The following DSCAM variants were observed in gnomAD, a reference collection of about 807,000 sequenced individuals.
DSCAM encodes cell adhesion molecule DSCAM.
DSCAM carries 47 observed loss-of-function variants against 217.7 expected under a neutral mutation model. The ratio of observed to expected loss-of-function variants is 0.22; its 90% confidence interval spans 0.17 to 0.28. DSCAM has a LOEUF of 0.28. Among genes scored for constraint, DSCAM ranks in the 10% least tolerant of loss-of-function variants. The pLI is 1.00. For synonymous variants in DSCAM, 1,056 were observed against 1,015.3 expected, an observed-to-expected ratio of 1.04 and a Z score of -0.76; for missense variants, 2,080 against 2,618.3, an observed-to-expected ratio of 0.79 and a Z score of 4.49.
intron 3 of DSCAM, among the ~76,000 whole-genome samples, chr21:40,487,256 C>CCTCTCTCTCT (rs59987844): frequency 2.8e-5 from 4 of 143,714 alleles, no homozygotes; most frequent in African/African-American, 5.1e-5. Flanking sequence ...TCTTTCTCTC[C>CCTCTCTCTCT]CTCTCTCTCT....
chr21:40,037,253 A>G (rs200716858), intron 32 of DSCAM, among the ~76,000 whole-genome samples: 8 of 149,212 alleles, frequency 5.4e-5, no homozygotes, highest in East Asian at 1.9e-4. Flanking sequence ...ACATGATTGT[A>G]TATCTAGAAA....
At chr21:40,813,280 G>A (rs2091854291) in intron 1 of DSCAM, among the ~76,000 whole-genome samples, 1 of 152,166 alleles carries the variant, frequency 6.6e-6, no homozygotes. Context: ...TTGGGCAAGA[G>A]AACCTATGAG....
At chr21:40,079,097 C>T in intron 25 of DSCAM, 120 bp from the exon 26 acceptor site, 4 of 1,150,936 alleles carry the variant, frequency 3.5e-6, no homozygotes, top group Non-Finnish European at 4.9e-6. Flanking sequence ...CCAAGTCTGG[C>T]TCACAGGCCA....
intron 1 of DSCAM, among the ~76,000 whole-genome samples, chr21:40,781,788 A>G (rs2091546344): frequency 6.6e-6 from 1 of 152,018 alleles, no homozygotes; most frequent in Admixed American, 6.5e-5. Flanking sequence ...CTGTAGCCAA[A>G]CTGCACTAGG....
At chr21:40,602,777 G>C (rs2077072370) in intron 3 of DSCAM, among the ~76,000 whole-genome samples, 1 of 152,022 alleles carries the variant, frequency 6.6e-6, no homozygotes, top group Non-Finnish European at 1.5e-5. Flanking sequence ...TAAAGAACCA[G>C]ATTTTAGTTT....
chr21:40,577,461 C>CG (rs1018138820), intron 3 of DSCAM, among the ~76,000 whole-genome samples: 8 of 151,994 alleles, frequency 5.3e-5, no homozygotes, highest in Admixed American at 1.3e-4. Flanking sequence ...GTGGCGCCCC[C>CG]CTCCGAGCCG....
intron 11 of DSCAM, among the ~76,000 whole-genome samples, chr21:40,244,174 G>C (rs1021830636): frequency 2.0e-5 from 3 of 152,182 alleles, no homozygotes; most frequent in African/African-American, 7.2e-5. Flanking sequence ...ATTGTGACCG[G>C]GAAGAGTGGT....
intron 3 of DSCAM, among the ~76,000 whole-genome samples, chr21:40,459,482 T>C (rs1317331127): frequency 6.6e-6 from 1 of 152,060 alleles, no homozygotes; most frequent in African/African-American, 2.4e-5. Context: ...AAAAAGTAAA[T>C]AGGTTGCCTA....
chr21:40,426,311 G>A (rs540865915), intron 3 of DSCAM, among the ~76,000 whole-genome samples: 7 of 152,356 alleles, frequency 4.6e-5, no homozygotes, highest in South Asian at 4.1e-4. Context: ...TCCATGGACA[G>A]TTTGTTGGAA....
At chr21:40,342,624 G>GTATA (rs1363119200) in intron 6 of DSCAM, among the ~76,000 whole-genome samples, 13 of 77,288 alleles carry the variant, frequency 1.7e-4, no homozygotes, top group African/African-American at 4.1e-4. Context: ...GTGTGTGTGT[G>GTATA]TGTATATATA....
intron 2 of DSCAM, among the ~76,000 whole-genome samples, chr21:40,707,398 G>A (rs1357891433): frequency 1.3e-5 from 2 of 152,078 alleles, no homozygotes; most frequent in African/African-American, 4.8e-5. Flanking sequence ...TCTCATGCAG[G>A]TCTTGGAATT....
At chr21:40,510,667 T>C (rs889631126) in intron 3 of DSCAM, among the ~76,000 whole-genome samples, 1 of 152,186 alleles carries the variant, frequency 6.6e-6, no homozygotes, top group Non-Finnish European at 1.5e-5. Flanking sequence ...GGAGGGTACA[T>C]TACAGAAGTT....
intron 1 of DSCAM, among the ~76,000 whole-genome samples, chr21:40,765,614 G>C (rs2091380386): frequency 6.6e-6 from 1 of 152,118 alleles, no homozygotes; most frequent in South Asian, 2.1e-4. Flanking sequence ...AGTCATTGCA[G>C]GTAGGCTATG....
intron 32 of DSCAM, among the ~76,000 whole-genome samples, chr21:40,030,926 C>T (rs1402163423): frequency 1.3e-5 from 2 of 152,244 alleles, no homozygotes; most frequent in Admixed American, 6.5e-5. Flanking sequence ...CTTCTGCAGC[C>T]ACTACCCTGC....
chr21:40,415,812 C>A (rs2075365809), intron 3 of DSCAM, among the ~76,000 whole-genome samples: 1 of 152,164 alleles, frequency 6.6e-6, no homozygotes, highest in South Asian at 2.1e-4. Context: ...ACTCTCCCAA[C>A]CCCTGCCGCA....
intron 3 of DSCAM, among the ~76,000 whole-genome samples, chr21:40,476,447 G>A (rs989432336): frequency 4.6e-5 from 7 of 152,224 alleles, no homozygotes; most frequent in Admixed American, 3.9e-4. Flanking sequence ...GTAAGTGTCT[G>A]GCACATAGTG....
At chr21:40,809,753 A>G (rs1268716908) in intron 1 of DSCAM, among the ~76,000 whole-genome samples, 1 of 152,172 alleles carries the variant, frequency 6.6e-6, no homozygotes, top group Non-Finnish European at 1.5e-5. Flanking sequence ...TGCTGAATTG[A>G]ACTCTAGTGG....
chr21:40,705,997 G>A (rs760133456), intron 2 of DSCAM, among the ~76,000 whole-genome samples: 1 of 151,978 alleles, frequency 6.6e-6, no homozygotes, highest in Non-Finnish European at 1.5e-5. Context: ...TGGCTAACAC[G>A]GTGAAACCCC....
intron 20 of DSCAM, among the ~76,000 whole-genome samples, chr21:40,121,921 C>A (rs2090039391): frequency 6.6e-6 from 1 of 151,944 alleles, no homozygotes; most frequent in East Asian, 1.9e-4. Flanking sequence ...AAACTCCTGG[C>A]CTCAAGTGAT....
Sources: allele counts gnomAD v4.1 joint callset (sites outside exome capture counted in the v4.1 genomes callset), GRCh38; gene constraint gnomAD v4.1.1; transcripts MANE v1.5; gene names NCBI Gene and HGNC (gene_info 2026-07-23, HGNC 2026-07-21).